UBE2O: variants seen among roughly 807,000 people sequenced by gnomAD.
UBE2O encodes the protein ubiquitin conjugating enzyme E2 O.
A neutral mutation model predicts 125.8 loss-of-function variants in UBE2O; 15 were observed. The ratio of observed to expected loss-of-function variants is 0.12; its 90% confidence interval spans 0.08 to 0.18. The LOEUF is 0.18. Among genes scored for constraint, UBE2O ranks in the 10% least tolerant of loss-of-function variants. The probability of loss-of-function intolerance (pLI) is 1.00; values close to 1 mark genes in which losing one functional copy is unlikely to be tolerated. For synonymous variants in UBE2O, 708 were observed against 703.2 expected (o/e 1.01, Z -0.11); for missense variants, 1,280 against 1,723.6 (o/e 0.74, Z 4.56).
Position 76,399,022 on chromosome 17 carries a change from C to T in UBE2O, c.1629-31G>A, listed in dbSNP as rs2072267547. The T allele has an allele frequency of 1.2e-6, 2 of 1,609,194 alleles. No homozygotes were observed. The highest frequency in any genetic ancestry group is 1.7e-6 in the Non-Finnish European group (2 of 1,177,900). On this transcript the variant is annotated intron_variant, in intron 9 of 17. Coordinates refer to ENST00000319380, the MANE Select transcript of UBE2O (RefSeq NM_022066.4). The surrounding 1 kb of genome is among the most constrained non-coding windows in gnomAD (Gnocchi z 6.9). ...GGTGCAGGCCAGTCAGCAGGCCATG[C>T]AAACCCCACCCCCTCCGCGGAAAGG...
intron 1 of UBE2O, among the ~76,000 whole-genome samples, chr17:76,436,330 G>A (rs981182555): frequency 1.1e-4 from 16 of 152,054 alleles, no homozygotes; most frequent in African/African-American, 2.2e-4. Flanking sequence ...AGTTATCCCC[G>A]AGTGGTAGAA....
chr17:76,400,586 G>A lies in UBE2O; in HGVS notation c.895-36C>T, dbSNP rs1305833927. 6.9e-7 allele frequency: 1 copy of A among 1,446,208 alleles called. No homozygotes were observed. The highest frequency in any genetic ancestry group is 9.6e-7 in the Non-Finnish European group (1 of 1,046,968). The allele number at this position is 1,446,208 out of a possible 1,614,324, so 89.6% of individuals were successfully genotyped here. Reference sequence around the variant, plus strand: ...CAGGTGGGACACGCCAGTCAGGGCAGGCTCTGACAGCACTCTCTTTAGCCA... The same window carrying A: ...CAGGTGGGACACGCCAGTCAGGGCAAGCTCTGACAGCACTCTCTTTAGCCA... On this transcript the variant is annotated intron_variant, in intron 6 of 17. Coordinates refer to ENST00000319380, the MANE Select transcript of UBE2O (RefSeq NM_022066.4). The surrounding 1 kb of genome is among the most constrained non-coding windows in gnomAD (Gnocchi z 4.3).
chr17:76,450,210 C>A (rs1371817554), intron 1 of UBE2O, among the ~76,000 whole-genome samples: 1 of 151,956 alleles, frequency 6.6e-6, no homozygotes, highest in African/African-American at 2.4e-5. Flanking sequence ...TGATGGAATT[C>A]ATAAGGAGCA....
At position 76,411,925 on chromosome 17, in the gene UBE2O, C is replaced by T. The variant is rs147297798; in HGVS notation, c.418-6353G>A. 1.4e-4 allele frequency among the ~76,000 whole-genome samples: 22 copies of T among 152,176 alleles called. No individual in the cohort carries two copies. In the East Asian group the frequency reaches 3.7e-3, roughly 25 times the overall value. On this transcript the variant is annotated intron_variant, in intron 1 of 17. Transcript: ENST00000319380. ...CTTGAACTCCTGAGCTCAAGTGATCCTCTTGCCTCAGCCTCCCAAAGTGCT... is the reference window on the plus strand; with the variant it reads ...CTTGAACTCCTGAGCTCAAGTGATCTTCTTGCCTCAGCCTCCCAAAGTGCT...
rs1204318757 is a variant in UBE2O, at chr17:76,398,828, T to G, written c.1783+9A>C. On this transcript the variant is annotated intron_variant, in intron 10 of 17. Transcript: ENST00000319380. The surrounding 1 kb of genome is among the most constrained non-coding windows in gnomAD (Gnocchi z 5.4). ...ACCCTGCTGGCTGCCCTTCCAGAGC[T>G]GGCACTACCTCGCTTATCTACCACG... 1 of 1,612,684 alleles carries G rather than the reference T, an allele frequency of 6.2e-7. No homozygotes were observed. Among genetic ancestry groups the G allele is most frequent in the South Asian group, 1.1e-5 (1 of 90,968 alleles).
Position 76,400,370 on chromosome 17 carries a change from G to A in UBE2O, c.1004+71C>T. 1 of 1,594,912 alleles carries A rather than the reference G, an allele frequency of 6.3e-7. No individual in the cohort carries two copies. The highest frequency in any genetic ancestry group is 8.6e-7 in the Non-Finnish European group (1 of 1,168,026). On this transcript the variant is annotated intron_variant, in intron 7 of 17. Coordinates refer to ENST00000319380, the MANE Select transcript of UBE2O (RefSeq NM_022066.4). The surrounding 1 kb of genome is among the most constrained non-coding windows in gnomAD (Gnocchi z 4.3). ...CCAGCAGTGTTCTTAAGCCTCCCCA[G>A]GCATGTGACCAGGGCCCAGAGCCCT...
chr17:76,399,933 G>A lies in UBE2O; in HGVS notation c.1156-12C>T, dbSNP rs765455651. On this transcript the variant is annotated splice_polypyrimidine_tract_variant and intron_variant, in intron 8 of 17. Transcript: ENST00000319380. This position sits in a 1 kb window ranked among gnomAD's most constrained non-coding sequence, Gnocchi z 6.9. ...AACAGGCGCTTCACCTGCAAGGGCG[G>A]AGCAGAGAGGACAGGGCTGTGAGGT... 11 of 1,588,736 alleles carry A rather than the reference G, an allele frequency of 6.9e-6. No homozygotes were observed. The Admixed American group carries it at 1.7e-4, about 25-fold the overall frequency.
chr17:76,449,237 G>A (rs568608342), intron 1 of UBE2O, among the ~76,000 whole-genome samples: 13 of 152,246 alleles, frequency 8.5e-5, no homozygotes, highest in Admixed American at 4.6e-4. Flanking sequence ...ACAAAAATAC[G>A]CCACACCCTA....
chr17:76,414,509 G>A (rs908943665), intron 1 of UBE2O, among the ~76,000 whole-genome samples: 1 of 152,192 alleles, frequency 6.6e-6, no homozygotes, highest in African/African-American at 2.4e-5. Context: ...GGGTTGCAGG[G>A]GAACTGCACA....
Position 76,396,413 on chromosome 17 carries a change from C to T in UBE2O, c.2524G>A (p.Val842Met), listed in dbSNP as rs768620113. Residue 842 changes from valine (V) to methionine (M), a missense_variant, in exon 14 of 18, where the codon GTG becomes ATG. Val to Met is a conservative substitution (Grantham distance 21). Coordinates refer to ENST00000319380, the MANE Select transcript of UBE2O (RefSeq NM_022066.4). This position sits in a 1 kb window ranked among gnomAD's most constrained non-coding sequence, Gnocchi z 6.7. ...LLTGSPTSPT[V>M]EPEKPTREKK... ...TCCCGAGTTGGCTTCTCAGGCTCCA[C>T]AGTCGGAGAGGTGGGCGAGCCCGTC... The T allele has an allele frequency of 7.4e-6, 12 of 1,614,198 alleles. No individual in the cohort carries two copies. The highest frequency in any genetic ancestry group is 1.1e-5 in the South Asian group (1 of 91,088).
In UBE2O at chr17:76,398,139, G is replaced by T; in HGVS notation, c.2025+116C>A. 7.0e-7 allele frequency: 1 copy of T among 1,427,218 alleles called. No individual in the cohort carries two copies. The highest frequency in any genetic ancestry group is 9.7e-7 in the Non-Finnish European group (1 of 1,031,436). 88.4% of individuals were successfully genotyped at this position (1,427,218 alleles called of 1,614,324 possible). On this transcript the variant is annotated intron_variant, in intron 12 of 17. Transcript: ENST00000319380. The surrounding 1 kb of genome is among the most constrained non-coding windows in gnomAD (Gnocchi z 5.4). ...GGGCAGCTGCCCTTCTGAGGACACT[G>T]AGCCCAGAGGACTTTCAGGTCTTGT...
chr17:76,426,801 T>C (rs1376590014), intron 1 of UBE2O, among the ~76,000 whole-genome samples: 2 of 152,248 alleles, frequency 1.3e-5, no homozygotes, highest in South Asian at 2.1e-4. Context: ...GAATGCTTAT[T>C]CAGATTTACC....
At chr17:76,424,291 CT>C (rs2072765790) in intron 1 of UBE2O, among the ~76,000 whole-genome samples, 1 of 146,734 alleles carries the variant, frequency 6.8e-6, no homozygotes, top group South Asian at 2.2e-4. Context: ...TCACTGCAAC[CT>C]CTGTCTCCCA....
chr17:76,412,694 G>A (rs1405168104), intron 1 of UBE2O, among the ~76,000 whole-genome samples: 1 of 152,150 alleles, frequency 6.6e-6, no homozygotes, highest in African/African-American at 2.4e-5. Context: ...GTGTGTTAGT[G>A]CATATATATT....
chr17:76,427,800 T>C (rs1377608717), intron 1 of UBE2O, among the ~76,000 whole-genome samples: 3 of 152,244 alleles, frequency 2.0e-5, no homozygotes, highest in African/African-American at 7.2e-5. Context: ...TCAGCTCCCT[T>C]GACATTTCTC....
At chr17:76,425,225 C>CAAAAAAA (rs58377572) in intron 1 of UBE2O, among the ~76,000 whole-genome samples, 34 of 94,994 alleles carry the variant, frequency 3.6e-4, no homozygotes, top group Non-Finnish European at 4.0e-4. Context: ...GTCCTTTCGA[C>CAAAAAAA]AAAAAAAAAA....
chr17:76,410,605 T>C lies in UBE2O; in HGVS notation c.418-5033A>G, dbSNP rs904330550. 6.6e-6 allele frequency among the ~76,000 whole-genome samples: 1 copy of C among 152,060 alleles called. No individual in the cohort carries two copies. The highest frequency in any genetic ancestry group is 6.5e-5 in the Admixed American group (1 of 15,270). On this transcript the variant is annotated intron_variant, in intron 1 of 17. Coordinates refer to ENST00000319380, the MANE Select transcript of UBE2O (RefSeq NM_022066.4). The surrounding 1 kb of genome is among the most constrained non-coding windows in gnomAD (Gnocchi z 4.0). ...AGTAGGAAAGCAATCAAATGGTAAG[T>C]GAGGGGTCAGGGACAATGCCAGGGC...
rs1462661540 is a variant in UBE2O, at chr17:76,452,085, G to T, written c.417+640C>A. Among the ~76,000 whole-genome samples, 1 of 152,080 alleles carries T rather than the reference G, an allele frequency of 6.6e-6. No individual in the cohort carries two copies. Among genetic ancestry groups the T allele is most frequent in the Non-Finnish European group, 1.5e-5 (1 of 68,020 alleles). ...GGAGTCATCAATCCCGGTCGCAGCT[G>T]TCAGAATCCTCCCCCCCAAGTACTA... On this transcript the variant is annotated intron_variant, in intron 1 of 17. Transcript: ENST00000319380. This position sits in a 1 kb window ranked among gnomAD's most constrained non-coding sequence, Gnocchi z 4.4.
At chr17:76,425,374 A>C (rs1310043113) in intron 1 of UBE2O, among the ~76,000 whole-genome samples, 1 of 152,056 alleles carries the variant, frequency 6.6e-6, no homozygotes, top group African/African-American at 2.4e-5. Context: ...TAAAAAAAAA[A>C]CATAGTACTA....
Sources: gnomAD v4.1 joint callset for allele counts (sites outside exome capture counted in the v4.1 genomes callset) on GRCh38, gnomAD v4.1.1 for gene constraint, Gnocchi (gnomAD v3.1) non-coding constraint, MANE v1.5 for transcripts, NCBI Gene and HGNC (gene_info 2026-07-23, HGNC 2026-07-21) for gene names.